ADAMTS9: variants seen among roughly 807,000 people sequenced by gnomAD.
ADAMTS9 encodes the protein A disintegrin and metalloproteinase with thrombospondin motifs 9.
In ADAMTS9, 107 loss-of-function variants were observed where a neutral mutation model predicts 257.1. That is an observed-to-expected ratio of 0.42 (90% CI 0.36 to 0.49). The LOEUF (loss-of-function observed/expected upper bound fraction) is 0.49. ADAMTS9 is among the 20% of genes least tolerant of loss of function. The probability of loss-of-function intolerance (pLI) is 0.03; values close to 1 mark genes in which losing one functional copy is unlikely to be tolerated. For missense variants in ADAMTS9, 2,353 were observed against 2,469.1 expected, an observed-to-expected ratio of 0.95 and a Z score of 1.00; for synonymous variants, 982 against 880.9, an observed-to-expected ratio of 1.11 and a Z score of -2.03.
In ADAMTS9 at chr3:64,550,980, C is replaced by A. The variant is rs760094936; in HGVS notation, c.4781G>T (p.Arg1594Leu). Residue 1594 changes from arginine (R) to leucine (L), a missense_variant, in exon 31 of 40, where the codon CGC becomes CTC. By Grantham distance (102) the Arg-to-Leu change is moderately radical. Coordinates refer to ENST00000498707, the MANE Select transcript of ADAMTS9 (RefSeq NM_182920.2). Reference sequence around the variant, plus strand: ...CACCGGCCGCTTGCTCACGTCACAGCGTGCCCCATGCACCTCGTTTTTGTT... The same window carrying A: ...CACCGGCCGCTTGCTCACGTCACAGAGTGCCCCATGCACCTCGTTTTTGTT... ...DDNKNEVHGA[R>L]CDVSKRPVDR... The A allele has an allele frequency of 1.9e-6, 3 of 1,614,218 alleles. No homozygotes were observed. Among genetic ancestry groups the A allele is most frequent in the South Asian group, 1.1e-5 (1 of 91,090 alleles).
At chr3:64,614,207 GTTAC>G (rs915133384) in intron 21 of ADAMTS9, among the ~76,000 whole-genome samples, 1 of 152,104 alleles carries the variant, frequency 6.6e-6, no homozygotes, top group African/African-American at 2.4e-5. Flanking sequence ...GCAAAGGTTT[GTTAC>G]TTAGTTTGAA....
At chr3:64,572,051 C>G (rs992528699) in intron 28 of ADAMTS9, among the ~76,000 whole-genome samples, 2 of 134,374 alleles carry the variant, frequency 1.5e-5, no homozygotes, top group Non-Finnish European at 3.0e-5. Flanking sequence ...AATTCACAGC[C>G]AAAAAGCCTC....
chr3:64,653,644 C>T (rs915367555), intron 8 of ADAMTS9, among the ~76,000 whole-genome samples: 8 of 152,004 alleles, frequency 5.3e-5, no homozygotes, highest in Non-Finnish European at 1.0e-4. Flanking sequence ...AAAATTATTT[C>T]GAAATAGATA....
At chr3:64,608,257 C>CAA (rs1491173200) in intron 22 of ADAMTS9, among the ~76,000 whole-genome samples, 4 of 71,160 alleles carry the variant, frequency 5.6e-5, no homozygotes, top group African/African-American at 2.6e-4. Context: ...CAAACTAAAA[C>CAA]CAAAAAAAAA....
At chr3:64,531,086 T>A (rs1187228646) in intron 38 of ADAMTS9, among the ~76,000 whole-genome samples, 2 of 152,236 alleles carry the variant, frequency 1.3e-5, no homozygotes, top group Non-Finnish European at 2.9e-5. Flanking sequence ...TTACAAGTAA[T>A]CAATATGACT....
intron 28 of ADAMTS9, among the ~76,000 whole-genome samples, chr3:64,573,055 G>A (rs913350198): frequency 1.4e-4 from 20 of 146,290 alleles, no homozygotes; most frequent in Non-Finnish European, 1.9e-4. Context: ...CCAGCCTGGC[G>A]ACGGAGTGAG....
At chr3:64,595,994 C>A (rs1311794775) in intron 27 of ADAMTS9, among the ~76,000 whole-genome samples, 1 of 152,120 alleles carries the variant, frequency 6.6e-6, no homozygotes, top group Admixed American at 6.6e-5. Flanking sequence ...AGGGCTCAAA[C>A]CCCCACTTAG....
intron 10 of ADAMTS9, among the ~76,000 whole-genome samples, chr3:64,649,073 G>C (rs1233275439): frequency 6.6e-6 from 1 of 152,096 alleles, no homozygotes; most frequent in African/African-American, 2.4e-5. Flanking sequence ...CCGGATAACT[G>C]CTAGATGTTA....
chr3:64,522,659 G>C (rs1223980945), intron 38 of ADAMTS9: 2 of 164,108 alleles, frequency 1.2e-5, no homozygotes, highest in African/African-American at 4.8e-5. Flanking sequence ...AAAAAGAACT[G>C]AGTCTCAGCT....
At chr3:64,669,866 T>C (rs1358244778) in intron 3 of ADAMTS9, among the ~76,000 whole-genome samples, 1 of 152,146 alleles carries the variant, frequency 6.6e-6, no homozygotes, top group Non-Finnish European at 1.5e-5. Flanking sequence ...CAGATAATAG[T>C]TTCTGAAAAA....
In ADAMTS9 at chr3:64,604,237, G is replaced by T. The variant is rs781275665; in HGVS notation, c.3569C>A (p.Ser1190Tyr). 6.2e-7 allele frequency: 1 copy of T among 1,613,082 alleles called. No homozygotes were observed. The highest frequency in any genetic ancestry group is 8.5e-7 in the Non-Finnish European group (1 of 1,179,574). ...CAGTCTATTTCTTACTGGGGTCCAA[G>T]ACCCAAATCGCCACTGGGTTCTTGG... is the stretch of plus-strand genomic sequence containing the variant. ...SAPRTQWRFG[S>Y]WTPCSATCGK... Residue 1190 changes from serine (S) to tyrosine (Y), a missense_variant, in exon 24 of 40, where the codon TCT (serine) becomes TAT (tyrosine). Ser to Tyr is a moderately radical substitution (Grantham distance 144). Transcript: ENST00000498707.
At chr3:64,652,580 A>T (rs945910294) in intron 8 of ADAMTS9, among the ~76,000 whole-genome samples, 6 of 152,310 alleles carry the variant, frequency 3.9e-5, no homozygotes, top group Middle Eastern at 3.4e-3. Flanking sequence ...TGATAAAGTC[A>T]AGTTTATTAC....
intron 3 of ADAMTS9, among the ~76,000 whole-genome samples, chr3:64,678,201 A>T (rs1033111699): frequency 6.6e-5 from 10 of 152,340 alleles, no homozygotes; most frequent in Middle Eastern, 3.4e-3. Context: ...GGGAGGAAGC[A>T]TCTTAACATC....
At chr3:64,527,006 C>T (rs1323513240) in intron 38 of ADAMTS9, among the ~76,000 whole-genome samples, 1 of 152,068 alleles carries the variant, frequency 6.6e-6, no homozygotes, top group Non-Finnish European at 1.5e-5. Flanking sequence ...ATTGCTATCT[C>T]CTTAAGTGGG....
rs761373288 is a variant in ADAMTS9, at chr3:64,658,690, A to C, written c.781T>G (p.Leu261Val). 7.4e-6 allele frequency: 12 copies of C among 1,613,968 alleles called. No individual in the cohort carries two copies. The highest frequency in any genetic ancestry group is 9.3e-6 in the Non-Finnish European group (11 of 1,180,042). ...TAAGCAGAAAATGCCTCTGTTGCTAAGCCGCTGTTTAATGCTGCTACGTCA... is the reference window on the plus strand; with the variant it reads ...TAAGCAGAAAATGCCTCTGTTGCTACGCCGCTGTTTAATGCTGCTACGTCA... ...AGDVAALNSG[L>V]ATEAFSAYGN... The change falls in exon 4 of 40, where the codon TTA (leucine) becomes GTA (valine). Residue 261 changes from leucine to valine, a missense_variant. Coordinates refer to ENST00000498707, the MANE Select transcript of ADAMTS9 (RefSeq NM_182920.2).
intron 11 of ADAMTS9, among the ~76,000 whole-genome samples, chr3:64,647,464 T>C (rs894602007): frequency 1.3e-5 from 2 of 152,210 alleles, no homozygotes; most frequent in Non-Finnish European, 2.9e-5. Flanking sequence ...AATGACATTA[T>C]AGCTCCTTAA....
At chr3:64,682,196 C>T (rs1701774985) in intron 2 of ADAMTS9, among the ~76,000 whole-genome samples, 4 of 152,204 alleles carry the variant, frequency 2.6e-5, no homozygotes, top group Admixed American at 2.6e-4. Context: ...TCCTTAACCA[C>T]TCTGTTTAAG....
intron 30 of ADAMTS9, among the ~76,000 whole-genome samples, chr3:64,557,827 T>C (rs933089267): frequency 6.6e-6 from 1 of 152,230 alleles, no homozygotes; most frequent in Non-Finnish European, 1.5e-5. Context: ...GTTTCTAGGA[T>C]GTAAACAAAA....
At position 64,686,830 on chromosome 3, in the gene ADAMTS9, G is replaced by T. The variant is rs1349406239; in HGVS notation, c.254C>A (p.Ala85Asp). 1 of 1,614,158 alleles carries T rather than the reference G, an allele frequency of 6.2e-7. No individual in the cohort carries two copies. The stretch of plus-strand genomic sequence containing the variant: ...AGAGGAGGAAGAGGAGGAGGCGAAG[G>T]CAGGCCAGGGGTCAGTGGCAGAGTT... ...SINSATDPWP[A>D]FASSSSSSTS... Residue 85 changes from alanine (A) to aspartate (D), a missense_variant, in exon 2 of 40, where the codon GCC becomes GAC. Around this residue, in one of 3 missense-constraint regions of ADAMTS9, gnomAD observed 591 missense variants for 569.6 expected, o/e 1.04. Transcript: ENST00000498707. This position sits in a 1 kb window ranked among gnomAD's most constrained non-coding sequence, Gnocchi z 4.6.
Sources: gnomAD v4.1 joint callset for allele counts (sites outside exome capture counted in the v4.1 genomes callset) on GRCh38, gnomAD v4.1.1 for gene constraint, gnomAD v4.1.1 regional missense constraint, Gnocchi (gnomAD v3.1) non-coding constraint, MANE v1.5 for transcripts, NCBI Gene and HGNC (gene_info 2026-07-23, HGNC 2026-07-21) for gene names.